Variants in FAM204A observed in about 807,000 individuals in gnomAD.
The protein encoded by FAM204A is protein FAM204A.
A neutral mutation model predicts 35.4 loss-of-function variants in FAM204A; 16 were observed. The observed-to-expected ratio is 0.45, with a 90% CI of 0.31 to 0.69. FAM204A has a LOEUF of 0.69. Among genes scored for constraint, FAM204A ranks in the 30% least tolerant of loss-of-function variants. The probability of loss-of-function intolerance (pLI) is 0.07; values close to 1 mark genes in which losing one functional copy is unlikely to be tolerated. For missense variants in FAM204A, 240 were observed against 265.7 expected, an observed-to-expected ratio of 0.90 and a Z score of 0.67; for synonymous variants, 76 against 86.9, an observed-to-expected ratio of 0.88 and a Z score of 0.70.
At chr10:118,334,860 C>T (rs755414057) in intron 6 of FAM204A, among the ~76,000 whole-genome samples, 7 of 152,218 alleles carry the variant, frequency 4.6e-5, no homozygotes, top group Non-Finnish European at 7.3e-5. Context: ...TGACGTGGCA[C>T]CTTCTATGAA....
At chr10:118,334,726 C>T (rs1475914000) in intron 6 of FAM204A, among the ~76,000 whole-genome samples, 2 of 152,190 alleles carry the variant, frequency 1.3e-5, no homozygotes, top group Non-Finnish European at 2.9e-5. Flanking sequence ...GACCCCATTC[C>T]AGCCAGGCTG....
rs142751724 is a variant in FAM204A at position 118,336,816 on chromosome 10, T to C, written c.-8-393A>G. 4.7e-3 allele frequency among the ~76,000 whole-genome samples: 720 copies of C among 152,270 alleles called. 6 individuals carry two copies. Among genetic ancestry groups the C allele is most frequent in the African/African-American group, 0.016 (670 of 41,554 alleles). ...CAAGCAATTTAGGATTAAAATACCA[T>C]ATTTGAAGCTATACCAATTAGAGAA... is the stretch of plus-strand genomic sequence containing the variant. On this transcript the variant is annotated intron_variant, in intron 2 of 8. Transcript: ENST00000369183.
intron 7 of FAM204A, among the ~76,000 whole-genome samples, chr10:118,324,660 G>T (rs944951850): frequency 3.3e-5 from 5 of 152,126 alleles, no homozygotes; most frequent in Admixed American, 1.3e-4. Context: ...GGAGACAGAA[G>T]AGTGGCTGTC....
intron 6 of FAM204A, among the ~76,000 whole-genome samples, chr10:118,334,311 G>C (rs1213720147): frequency 6.6e-6 from 1 of 152,072 alleles, no homozygotes; most frequent in Non-Finnish European, 1.5e-5. Flanking sequence ...AGCTTTGAAT[G>C]ATTCTCTCCC....
chr10:118,302,591 TTTTC>T lies in FAM204A; in HGVS notation c.*8262_*8265del, dbSNP rs556819511. 5.3e-4 allele frequency: 81 copies of T among 152,330 alleles called. No individual in the cohort carries two copies. Among genetic ancestry groups the T allele is most frequent in the African/African-American group, 1.6e-3 (68 of 41,578 alleles). 9.4% of individuals were successfully genotyped at this position (152,330 alleles called of 1,614,324 possible). On this transcript the variant is annotated 3_prime_UTR_variant, in exon 9 of 9. Transcript: ENST00000369183. ...AACTTTTATGTACATGGACTTTGGA[TTTTC>T]TTTTTCTCTTTTTGAGCACTGCTGG... is the stretch of plus-strand genomic sequence containing the variant.
intron 6 of FAM204A, among the ~76,000 whole-genome samples, chr10:118,330,356 T>C (rs1263557926): frequency 6.6e-6 from 1 of 152,128 alleles, no homozygotes; most frequent in Non-Finnish European, 1.5e-5. Flanking sequence ...AACAACCTGC[T>C]CACTAACAGC....
chr10:118,323,122 G>A (rs947417551), intron 7 of FAM204A, among the ~76,000 whole-genome samples: 3 of 152,004 alleles, frequency 2.0e-5, no homozygotes, highest in Non-Finnish European at 4.4e-5. Flanking sequence ...CACAAAATAC[G>A]CAACTCTGGG....
Position 118,336,359 on chromosome 10 carries a change from C to T in FAM204A, c.57G>A (p.Ser19=), listed in dbSNP as rs202081841. 10 of 1,613,820 alleles carry T rather than the reference C, an allele frequency of 6.2e-6. No homozygotes were observed. Among genetic ancestry groups the T allele is most frequent in the East Asian group, 4.5e-5 (2 of 44,882 alleles). ...GLNESDAESN[S]EDEATLENSG... Reference sequence around the variant, plus strand: ...AGTTCTCCAACGTAGCTTCATCTTCCGAGTTTGACTCAGCGTCACTTTCAT... The same window carrying T: ...AGTTCTCCAACGTAGCTTCATCTTCTGAGTTTGACTCAGCGTCACTTTCAT... Residue 19 remains serine (S), a synonymous_variant, in exon 3 of 9, where the codon TCG becomes TCA. Transcript: ENST00000369183.
rs1846372046 is a variant in FAM204A, at chr10:118,335,626, G to A, written c.250C>T (p.His84Tyr). The change falls in exon 4 of 9, where the codon CAT becomes TAT. Residue 84 changes from histidine to tyrosine, a missense_variant. His to Tyr is a moderately conservative substitution (Grantham distance 83). This residue lies in a region of FAM204A where 232 missense variants were observed against 242.8 expected (regional missense o/e 0.96). Coordinates refer to ENST00000369183, the MANE Select transcript of FAM204A (RefSeq NM_022063.3). ...CTTTTCTGTTCAGAATGTTTTTTAT[G>A]CAATTCTTGAAATTTCTATGTAAAA... is the stretch of plus-strand genomic sequence containing the variant. Reference protein sequence around the residue: ...IDMWNKFQELHKKHSEQKSTT... With the variant: ...IDMWNKFQELYKKHSEQKSTT... 1 of 1,604,000 alleles carries A rather than the reference G, an allele frequency of 6.2e-7. No homozygotes were observed. The highest frequency in any genetic ancestry group is 1.3e-5 in the African/African-American group (1 of 74,206).
rs1011783841 is a variant in FAM204A at position 118,307,611 on chromosome 10, T to C, written c.*3246A>G. The C allele has an allele frequency of 5.9e-5, 9 of 152,236 alleles. No individual in the cohort carries two copies. The highest frequency in any genetic ancestry group is 1.7e-4 in the African/African-American group (7 of 41,470). The allele number at this position is 152,236 out of a possible 1,614,324, so 9.4% of individuals were successfully genotyped here. A position where few individuals can be genotyped will look rare whatever the true frequency, so the allele number is the denominator to read the frequency against. On this transcript the variant is annotated 3_prime_UTR_variant, in exon 9 of 9. Coordinates refer to ENST00000369183, the MANE Select transcript of FAM204A (RefSeq NM_022063.3). ...GTTTAAACAACAACCTCATACAATATGTTTTATATTTAGCAAGACACACAT... is the reference window on the plus strand; with the variant it reads ...GTTTAAACAACAACCTCATACAATACGTTTTATATTTAGCAAGACACACAT...
intron 2 of FAM204A, among the ~76,000 whole-genome samples, chr10:118,340,980 T>A (rs948218250): frequency 1.3e-5 from 2 of 152,236 alleles, no homozygotes; most frequent in Non-Finnish European, 2.9e-5. Context: ...GGGCTGAGAA[T>A]GATCTTAGCC....
chr10:118,316,340 T>G (rs4751652), intron 7 of FAM204A, among the ~76,000 whole-genome samples: 32,562 of 152,116 alleles, frequency 0.21, 3,798 homozygotes, highest in Middle Eastern at 0.36. Context: ...CAATTTAATA[T>G]ATTATGTGCT....
At chr10:118,322,292 C>G (rs1302417118) in intron 7 of FAM204A, 1 of 455,034 alleles carries the variant, frequency 2.2e-6, no homozygotes, top group Admixed American at 2.4e-5. Context: ...GTGGAGAAAT[C>G]TGGAGACACT....
chr10:118,299,291 A>T lies in FAM204A; in HGVS notation c.*11566T>A, dbSNP rs1032410575. 2 of 149,892 alleles carry T rather than the reference A, an allele frequency of 1.3e-5. No individual in the cohort carries two copies. Among genetic ancestry groups the T allele is most frequent in the Non-Finnish European group, 2.9e-5 (2 of 67,970 alleles). 9.3% of individuals were successfully genotyped at this position (149,892 alleles called of 1,614,324 possible). A position where few individuals can be genotyped will look rare whatever the true frequency, so the allele number is the denominator to read the frequency against. On this transcript the variant is annotated 3_prime_UTR_variant, in exon 9 of 9. Coordinates refer to ENST00000369183, the MANE Select transcript of FAM204A (RefSeq NM_022063.3). ...CCTGCTTTGAGCTGCCCTTCCTGTC[A>T]ATCAATTACCAACCCTGCTTCTGTA...
In FAM204A at chr10:118,304,137, T is replaced by G. The variant is rs1490647142; in HGVS notation, c.*6720A>C. The G allele has an allele frequency of 6.6e-6, 1 of 152,236 alleles. No individual in the cohort carries two copies. Among genetic ancestry groups the G allele is most frequent in the East Asian group, 1.9e-4 (1 of 5,188 alleles). The allele number at this position is 152,236 out of a possible 1,614,324, so 9.4% of individuals were successfully genotyped here. On this transcript the variant is annotated 3_prime_UTR_variant, in exon 9 of 9. Transcript: ENST00000369183. Reference sequence around the variant, plus strand: ...GCCACCTCTCCACCATTATCTTGCCTGACAGCTCAGCGGCATTTGTTCCTG... The same window carrying G: ...GCCACCTCTCCACCATTATCTTGCCGGACAGCTCAGCGGCATTTGTTCCTG...
rs1452652312 is a variant in FAM204A, at chr10:118,300,395, A to G, written c.*10462T>C. The G allele has an allele frequency of 6.6e-6, 1 of 152,252 alleles. No homozygotes were observed. The highest frequency in any genetic ancestry group is 3.2e-3 in the Middle Eastern group (1 of 316). 9.4% of individuals were successfully genotyped at this position (152,252 alleles called of 1,614,324 possible). ...CTTCTTTTGTTCACTCAAGCCAATT[A>G]AATCAACAAATATTTACTGAACACC... is the stretch of plus-strand genomic sequence containing the variant. On this transcript the variant is annotated 3_prime_UTR_variant, in exon 9 of 9. Transcript: ENST00000369183.
rs950327415 is a variant in FAM204A, at chr10:118,299,073, T to C, written c.*11784A>G. ...TGTACGTGTGAGTGACGGTTCCCTC[T>C]GGGCCCACATCATTTTCTTGTCTTG... On this transcript the variant is annotated 3_prime_UTR_variant, in exon 9 of 9. Transcript: ENST00000369183. The C allele has an allele frequency of 2.0e-5, 3 of 152,212 alleles. No individual in the cohort carries two copies. Among genetic ancestry groups the C allele is most frequent in the Admixed American group, 1.3e-4 (2 of 15,284 alleles). The allele number at this position is 152,212 out of a possible 1,614,324, so 9.4% of individuals were successfully genotyped here.
intron 2 of FAM204A, chr10:118,337,300 T>TA: frequency 2.2e-6 from 2 of 905,864 alleles, no homozygotes; most frequent in Non-Finnish European, 2.6e-6. Context: ...AAAAGATGCT[T>TA]AAAATAGAGA....
At chr10:118,336,080 G>A (rs1589730877) in intron 3 of FAM204A, 102 bp downstream of exon 3, 1 of 1,361,660 alleles carries the variant, frequency 7.3e-7, no homozygotes, top group East Asian at 2.3e-5. Context: ...CTCCCTCCCT[G>A]TTAAGTCCCA....
Sources: gnomAD v4.1 joint callset for allele counts (sites outside exome capture counted in the v4.1 genomes callset) on GRCh38, gnomAD v4.1.1 for gene constraint, gnomAD v4.1.1 regional missense constraint, MANE v1.5 for transcripts, NCBI Gene and HGNC (gene_info 2026-07-23, HGNC 2026-07-21) for gene names.